ANKRD40: variants seen among roughly 807,000 people sequenced by gnomAD.
The protein encoded by ANKRD40 is ankyrin repeat domain-containing protein 40.
Under a neutral mutation model 35.5 loss-of-function variants are expected in ANKRD40, and 24 were observed. The observed-to-expected ratio is 0.68, with a 90% confidence interval of 0.49 to 0.95. ANKRD40 has a LOEUF of 0.95. ANKRD40 is among the 40% of genes least tolerant of loss of function. The pLI is 0.00. For synonymous variants in ANKRD40, 147 were observed against 173.5 expected (o/e 0.85, Z 1.20); for missense variants, 361 against 436.0 (o/e 0.83, Z 1.53).
At chr17:50,700,042 T>C in intron 2 of ANKRD40, 149 bp from the exon 3 acceptor site, 1 of 711,790 alleles carries the variant, frequency 1.4e-6, no homozygotes, top group Non-Finnish European at 2.0e-6. Flanking sequence ...ATGATTACCA[T>C]TTTTATCATT....
chr17:50,702,082 A>C (rs549113898), intron 1 of ANKRD40, among the ~76,000 whole-genome samples: 1 of 152,264 alleles, frequency 6.6e-6, no homozygotes, highest in Admixed American at 6.5e-5. Context: ...GAAGGCAAGG[A>C]AGTGTTTGCT....
Position 50,693,840 on chromosome 17 carries a change from C to T in ANKRD40, c.*2157G>A, listed in dbSNP as rs576183204. The T allele has an allele frequency of 6.6e-6, 1 of 152,092 alleles. No individual in the cohort carries two copies. The highest frequency in any genetic ancestry group is 2.4e-5 in the African/African-American group (1 of 41,480). 9.4% of individuals were successfully genotyped at this position (152,092 alleles called of 1,614,324 possible). On this transcript the variant is annotated 3_prime_UTR_variant, in exon 5 of 5. Transcript: ENST00000285243. ...AATTCACTTCCGATTGGTTGAAACA[C>T]AAGGGAGGGGCTGGGCCGGGTGGCT...
Position 50,696,128 on chromosome 17 carries a change from G to T in ANKRD40, c.976C>A (p.Arg326=), listed in dbSNP as rs762599179. The change falls in exon 5 of 5, where the codon CGA becomes AGA. Residue 326 remains arginine (R), a synonymous_variant. Coordinates refer to ENST00000285243, the MANE Select transcript of ANKRD40 (RefSeq NM_052855.4). ...TCCAGCTCCTGGAAATCTTGGAGTC[G>T]AGCAACATCCTTGTCCTAAAACAAA... ...TLLRKDKDVA[R]LQDFQELELV... The T allele has an allele frequency of 6.2e-7, 1 of 1,613,854 alleles. No homozygotes were observed. Among genetic ancestry groups the T allele is most frequent in the East Asian group, 2.2e-5 (1 of 44,892 alleles).
chr17:50,695,997 T>C lies in ANKRD40; in HGVS notation c.1107A>G (p.Ter369=), dbSNP rs371659282. Reference sequence around the variant, plus strand: ...CTCAGTGATAAAAGTCCCTGCTGCATTAGTAAGTCAGTTTTGAAGCTCTCC... The same window carrying C: ...CTCAGTGATAAAAGTCCCTGCTGCACTAGTAAGTCAGTTTTGAAGCTCTCC... ...YNRRASKLTY[*] is the part of the protein sequence containing the mutation. Residue 369 remains the stop codon, a stop_retained_variant, in exon 5 of 5, where the codon TAA becomes TAG. Coordinates refer to ENST00000285243, the MANE Select transcript of ANKRD40 (RefSeq NM_052855.4). The C allele has an allele frequency of 3.1e-6, 5 of 1,614,068 alleles. No homozygotes were observed. Among genetic ancestry groups the C allele is most frequent in the Non-Finnish European group, 4.2e-6 (5 of 1,179,968 alleles).
At chr17:50,703,422 A>G (rs1197130722) in intron 1 of ANKRD40, among the ~76,000 whole-genome samples, 2 of 152,228 alleles carry the variant, frequency 1.3e-5, no homozygotes, top group Non-Finnish European at 2.9e-5. Flanking sequence ...GAAGTATGAC[A>G]GCAATAGTAA....
intron 1 of ANKRD40, among the ~76,000 whole-genome samples, chr17:50,704,177 G>A (rs1968302227): frequency 6.6e-6 from 1 of 151,944 alleles, no homozygotes; most frequent in Admixed American, 6.6e-5. Context: ...ATTCAATCTT[G>A]GACATGTTGA....
intron 3 of ANKRD40, among the ~76,000 whole-genome samples, chr17:50,698,985 C>CAAAAAAAAAAAAAAAA (rs5820829): frequency 1.4e-5 from 1 of 69,618 alleles, no homozygotes. Flanking sequence ...ACTAAAAATA[C>CAAAAAAAAAAAAAAAA]AAAAAAAAAA....
rs1052116288 is a variant in ANKRD40 at position 50,694,137 on chromosome 17, A to AAAAAAAAAAAAAAAAAG, written c.*1859_*1860insCTTTTTTTTTTTTTTTT. On this transcript the variant is annotated 3_prime_UTR_variant, in exon 5 of 5. Transcript: ENST00000285243. Reference sequence around the variant, plus strand: ...AAAGCAAGACTCCGTCTCAAAAAAAAAAAGAAAAGAAACACCAGGGAGGTT... The same window carrying AAAAAAAAAAAAAAAAAG: ...AAAGCAAGACTCCGTCTCAAAAAAAAAAAAAAAAAAAAAAAAGAAAGAAAAGAAACACCAGGGAGGTT... 4 of 148,616 alleles carry AAAAAAAAAAAAAAAAAG rather than the reference A, an allele frequency of 2.7e-5. No individual in the cohort carries two copies. The highest frequency in any genetic ancestry group is 3.9e-4 in the East Asian group (2 of 5,094). The allele number at this position is 148,616 out of a possible 1,614,324, so 9.2% of individuals were successfully genotyped here.
At chr17:50,703,670 A>T (rs150459613) in intron 1 of ANKRD40, among the ~76,000 whole-genome samples, 1 of 152,242 alleles carries the variant, frequency 6.6e-6, no homozygotes, top group East Asian at 1.9e-4. Flanking sequence ...AGGCCAGGGG[A>T]AAAAGGTAAG....
chr17:50,704,602 C>G (rs1389263516), intron 1 of ANKRD40, among the ~76,000 whole-genome samples: 2 of 150,906 alleles, frequency 1.3e-5, no homozygotes, highest in Non-Finnish European at 2.9e-5. Context: ...ATGGGGCAGA[C>G]ATTGTGTTTA....
At chr17:50,696,258 A>G in intron 4 of ANKRD40, 115 bp from the exon 5 acceptor site, 1 of 1,097,864 alleles carries the variant, frequency 9.1e-7, no homozygotes, top group Non-Finnish European at 1.3e-6. Flanking sequence ...AAAAAAAAAA[A>G]TCCCTGTGGC....
At position 50,699,704 on chromosome 17, in the gene ANKRD40, T is replaced by A. The variant is rs1453195559; in HGVS notation, c.473A>T (p.Asp158Val). 6.2e-7 allele frequency: 1 copy of A among 1,613,970 alleles called. No homozygotes were observed. Among genetic ancestry groups the A allele is most frequent in the Non-Finnish European group, 8.5e-7 (1 of 1,179,878 alleles). Reference protein sequence around the residue: ...PSTPPASPPADGSPPLLPPGE... With the variant: ...PSTPPASPPAVGSPPLLPPGE... ...AGGGGGAAGCAATGGAGGTGAGCCA[T>A]CTGCAGGGGGTGATGCAGGGGGTGT... is the stretch of plus-strand genomic sequence containing the variant. Residue 158 changes from aspartate (D) to valine (V), a missense_variant, in exon 3 of 5, where the codon GAT becomes GTT. Physicochemically the swap from Asp to Val is radical, Grantham distance 152. Transcript: ENST00000285243.
rs1002092660 is a variant in ANKRD40, at chr17:50,699,723, G to C, written c.454C>G (p.Pro152Ala). The change falls in exon 3 of 5, where the codon CCT (proline) becomes GCT (alanine). Residue 152 changes from proline to alanine, a missense_variant. By Grantham distance (27) the Pro-to-Ala change is conservative (BLOSUM62 -1). Around this residue, in one of 5 missense-constraint regions of ANKRD40, gnomAD observed 172 missense variants for 174.0 expected, o/e 0.99. Transcript: ENST00000285243. ...QMQNGGPSTP[P>A]ASPPADGSPP... ...GAGCCATCTGCAGGGGGTGATGCAG[G>C]GGGTGTGGAGGGGCCCCCATTCTGC... The C allele has an allele frequency of 6.2e-7, 1 of 1,612,958 alleles. No homozygotes were observed. Among genetic ancestry groups the C allele is most frequent in the African/African-American group, 1.3e-5 (1 of 75,020 alleles).
intron 1 of ANKRD40, among the ~76,000 whole-genome samples, chr17:50,702,030 T>A (rs1202821283): frequency 4.0e-5 from 6 of 151,862 alleles, no homozygotes; most frequent in African/African-American, 1.5e-4. Flanking sequence ...AAAATAAGAG[T>A]CTCGTTAAGT....
Position 50,699,497 on chromosome 17 carries a change from G to T in ANKRD40, c.680C>A (p.Pro227Gln), listed in dbSNP as rs771801862. 5 of 1,614,092 alleles carry T rather than the reference G, an allele frequency of 3.1e-6. No individual in the cohort carries two copies. The African/African-American group carries it at 6.7e-5, about 22-fold the overall frequency. Reference protein sequence around the residue: ...RSLFSSVPSKPPMSLEPQNGT... With the variant: ...RSLFSSVPSKQPMSLEPQNGT... ...ATTTTGAGGCTCCAGAGACATTGGT[G>T]GCTTGGACGGGACAGAAGAAAACAG... is the stretch of plus-strand genomic sequence containing the variant. The change falls in exon 3 of 5, where the codon CCA becomes CAA. Residue 227 changes from proline to glutamine, a missense_variant. Pro to Gln is a moderately conservative substitution (Grantham distance 76). This residue lies in a region of ANKRD40 where 172 missense variants were observed against 174.0 expected (regional missense o/e 0.99). Coordinates refer to ENST00000285243, the MANE Select transcript of ANKRD40 (RefSeq NM_052855.4).
chr17:50,703,278 A>G (rs191131763), intron 1 of ANKRD40, among the ~76,000 whole-genome samples: 53 of 152,340 alleles, frequency 3.5e-4, no homozygotes, highest in Non-Finnish European at 5.9e-5. Flanking sequence ...TTCTAAAGGC[A>G]TTACATGTAT....
At chr17:50,704,274 G>C (rs952146197) in intron 1 of ANKRD40, among the ~76,000 whole-genome samples, 5 of 152,092 alleles carry the variant, frequency 3.3e-5, no homozygotes, top group African/African-American at 1.2e-4. Context: ...CAGCACTTTG[G>C]GAGGCCGAGG....
chr17:50,707,473 C>T lies in ANKRD40; in HGVS notation c.134+48G>A. 1 of 1,581,298 alleles carries T rather than the reference C, an allele frequency of 6.3e-7. No individual in the cohort carries two copies. The highest frequency in any genetic ancestry group is 8.6e-7 in the Non-Finnish European group (1 of 1,164,450). On this transcript the variant is annotated intron_variant, in intron 1 of 4. Coordinates refer to ENST00000285243, the MANE Select transcript of ANKRD40 (RefSeq NM_052855.4). This position sits in a 1 kb window ranked among gnomAD's most constrained non-coding sequence, Gnocchi z 4.8. ...CAGGTCGCGACTGACTGCCCCACGC[C>T]TTCCGACCGGCTGCCCTGACCCTAG...
chr17:50,704,515 CAAAA>C (rs892783050), intron 1 of ANKRD40, among the ~76,000 whole-genome samples: 8 of 40,198 alleles, frequency 2.0e-4, no homozygotes, highest in African/African-American at 3.5e-4. Context: ...AACTCCATCT[CAAAA>C]AAAAAAAAAA....
Sources: gnomAD v4.1 joint callset for allele counts (sites outside exome capture counted in the v4.1 genomes callset) on GRCh38, gnomAD v4.1.1 for gene constraint, gnomAD v4.1.1 regional missense constraint, Gnocchi (gnomAD v3.1) non-coding constraint, MANE v1.5 for transcripts, NCBI Gene and HGNC (gene_info 2026-07-23, HGNC 2026-07-21) for gene names.